Variants in GMDS observed in about 807,000 individuals in gnomAD.
GMDS encodes GDP-mannose 4,6 dehydratase.
Under a neutral mutation model 49.9 loss-of-function variants are expected in GMDS, and 20 were observed. The ratio of observed to expected loss-of-function variants is 0.40; its 90% CI spans 0.28 to 0.58. The LOEUF is 0.58. GMDS is among the 20% of genes least tolerant of loss of function. The pLI is 0.42. For missense variants in GMDS, 362 were observed against 481.4 expected (o/e 0.75, Z 2.32); for synonymous variants, 177 against 178.6 (o/e 0.99, Z 0.07).
chr6:1,871,363 T>G (rs1758741014), intron 7 of GMDS, among the ~76,000 whole-genome samples: 1 of 152,230 alleles, frequency 6.6e-6, no homozygotes, highest in Non-Finnish European at 1.5e-5. Flanking sequence ...TGAAAGAACA[T>G]TAATTTTGAA....
intron 6 of GMDS, among the ~76,000 whole-genome samples, chr6:1,940,662 G>C (rs534025430): frequency 1.3e-5 from 2 of 152,304 alleles, no homozygotes; most frequent in Non-Finnish European, 2.9e-5. Context: ...GCTTAAAAGA[G>C]GACAATTCAC....
At chr6:2,024,870 G>A (rs577906439) in intron 4 of GMDS, among the ~76,000 whole-genome samples, 1 of 149,040 alleles carries the variant, frequency 6.7e-6, no homozygotes, top group African/African-American at 2.4e-5. Flanking sequence ...AAGCAAAAAG[G>A]ACAATTAATT....
At chr6:2,208,209 CT>C (rs1283996938) in intron 1 of GMDS, among the ~76,000 whole-genome samples, 1 of 152,188 alleles carries the variant, frequency 6.6e-6, no homozygotes, top group Non-Finnish European at 1.5e-5. Context: ...CCTTCTATAT[CT>C]GGCTTCTACC....
At chr6:1,938,794 T>A (rs1437959996) in intron 6 of GMDS, among the ~76,000 whole-genome samples, 1 of 152,126 alleles carries the variant, frequency 6.6e-6, no homozygotes, top group Non-Finnish European at 1.5e-5. Context: ...TACTTTTACT[T>A]TCTACTCTCT....
At chr6:1,648,025 G>A (rs548007225) in intron 9 of GMDS, among the ~76,000 whole-genome samples, 1 of 152,228 alleles carries the variant, frequency 6.6e-6, no homozygotes, top group East Asian at 1.9e-4. Context: ...AAAGGAACTC[G>A]GTCTTGTTCA....
chr6:1,667,399 T>C (rs981739728), intron 9 of GMDS, among the ~76,000 whole-genome samples: 2 of 152,212 alleles, frequency 1.3e-5, no homozygotes, highest in Non-Finnish European at 2.9e-5. Context: ...AGCTAAGCAG[T>C]TGTACCTTTG....
At chr6:2,013,843 T>TATTTAAA (rs55860023) in intron 4 of GMDS, among the ~76,000 whole-genome samples, 12 of 147,826 alleles carry the variant, frequency 8.1e-5, no homozygotes, top group Non-Finnish European at 1.5e-4. Flanking sequence ...AAGGAAGAAA[T>TATTTAAA]GGCTGAGAAT....
chr6:1,951,151 AC>A (rs759694343), intron 6 of GMDS, among the ~76,000 whole-genome samples: 31 of 151,950 alleles, frequency 2.0e-4, no homozygotes, highest in South Asian at 8.3e-4. Context: ...TCTTTAAAAA[AC>A]AAATCAAAAG....
intron 2 of GMDS, 70 bp downstream of exon 2, chr6:2,124,617 G>A: frequency 9.0e-7 from 1 of 1,106,764 alleles, no homozygotes. Context: ...GACGGCAGCA[G>A]AGGAAGCATG....
intron 9 of GMDS, among the ~76,000 whole-genome samples, chr6:1,661,045 A>C (rs1581425252): frequency 6.6e-6 from 1 of 152,088 alleles, no homozygotes; most frequent in South Asian, 2.1e-4. Flanking sequence ...GGCTTGGGTG[A>C]CTGGTACCTT....
At chr6:2,173,064 C>T (rs1054431423) in intron 1 of GMDS, among the ~76,000 whole-genome samples, 12 of 151,994 alleles carry the variant, frequency 7.9e-5, no homozygotes, top group African/African-American at 2.9e-4. Context: ...TTTAAAATGA[C>T]ACAAATATTA....
intron 7 of GMDS, among the ~76,000 whole-genome samples, chr6:1,890,537 T>A (rs9501779): frequency 0.012 from 1,875 of 152,320 alleles, 41 homozygotes; most frequent in African/African-American, 0.042. Context: ...TTTTTTACTT[T>A]TTTGATGGTG....
intron 4 of GMDS, among the ~76,000 whole-genome samples, chr6:2,082,007 G>A (rs574305235): frequency 2.6e-5 from 4 of 152,212 alleles, no homozygotes; most frequent in Non-Finnish European, 4.4e-5. Flanking sequence ...AAGTTCAGGC[G>A]ATTTAGCCAC....
intron 7 of GMDS, among the ~76,000 whole-genome samples, chr6:1,892,478 G>C (rs1759916612): frequency 6.6e-6 from 1 of 152,086 alleles, no homozygotes; most frequent in Non-Finnish European, 1.5e-5. Flanking sequence ...TCCCACCTCA[G>C]CATCCTGAGT....
At chr6:1,633,548 G>T (rs1034148067) in intron 9 of GMDS, among the ~76,000 whole-genome samples, 13 of 152,158 alleles carry the variant, frequency 8.5e-5, no homozygotes, top group Admixed American at 2.6e-4. Context: ...TTGGAGGGCG[G>T]GAGGGCACTC....
chr6:1,634,863 G>A lies in GMDS; in HGVS notation c.988-10323C>T, dbSNP rs1329125941. ...GACGGAAAGGCGTGGGTGAACTTGA[G>A]ATGATCTTGGAGAAAGAGCAGAAAA... On this transcript the variant is annotated intron_variant, in intron 9 of 10. Coordinates refer to ENST00000380815, the MANE Select transcript of GMDS (RefSeq NM_001500.4). Among the ~76,000 whole-genome samples, 4 of 152,186 alleles carry A rather than the reference G, an allele frequency of 2.6e-5. No individual in the cohort carries two copies. The South Asian group carries it at 6.2e-4, about 24-fold the overall frequency.
chr6:2,065,311 C>T (rs1771496118), intron 4 of GMDS, among the ~76,000 whole-genome samples: 1 of 152,286 alleles, frequency 6.6e-6, no homozygotes, highest in East Asian at 1.9e-4. Context: ...GATAAAACCA[C>T]AAAGACGGGG....
At chr6:1,624,628 G>T in intron 9 of GMDS, 88 bp from the exon 10 acceptor site, 1 of 887,514 alleles carries the variant, frequency 1.1e-6, no homozygotes, top group Non-Finnish European at 1.8e-6. Context: ...CCACCGTTCC[G>T]CTCCCTCTGG....
chr6:2,031,714 G>A (rs1282972596), intron 4 of GMDS, among the ~76,000 whole-genome samples: 1 of 152,186 alleles, frequency 6.6e-6, no homozygotes, highest in Non-Finnish European at 1.5e-5. Context: ...TTCCTGGTGT[G>A]TGAAACTGAA....
Sources: allele counts gnomAD v4.1 joint callset (sites outside exome capture counted in the v4.1 genomes callset), GRCh38; gene constraint gnomAD v4.1.1; transcripts MANE v1.5; gene names NCBI Gene and HGNC (gene_info 2026-07-23, HGNC 2026-07-21).